ARHGEF11: variants seen among roughly 807,000 people sequenced by gnomAD.
The protein encoded by ARHGEF11 is Rho guanine exchange factor (GEF) 11.
ARHGEF11 carries 55 observed loss-of-function variants against 193.7 expected under a neutral mutation model. The ratio of observed to expected loss-of-function variants is 0.28; its 90% CI spans 0.23 to 0.36. The LOEUF (loss-of-function observed/expected upper bound fraction) is 0.36, where lower values mean the gene tolerates loss of function less well. ARHGEF11 is among the 10% of genes least tolerant of loss of function. The probability of loss-of-function intolerance (pLI) is 1.00; values close to 1 mark genes in which losing one functional copy is unlikely to be tolerated. For missense variants in ARHGEF11, 1,723 were observed against 2,005.6 expected, an observed-to-expected ratio of 0.86 and a Z score of 2.69; for synonymous variants, 693 against 768.0, an observed-to-expected ratio of 0.90 and a Z score of 1.62.
At chr1:156,966,247 G>T (rs2102242194) in intron 11 of ARHGEF11, among the ~76,000 whole-genome samples, 1 of 152,098 alleles carries the variant, frequency 6.6e-6, no homozygotes, top group East Asian at 1.9e-4. Context: ...CCTCCTCCTG[G>T]ACTCAGTGAT....
intron 13 of ARHGEF11, among the ~76,000 whole-genome samples, chr1:156,962,954 A>C (rs1308303607): frequency 6.6e-6 from 1 of 151,650 alleles, no homozygotes; most frequent in African/African-American, 2.4e-5. Context: ...GAACTGATCA[A>C]GAATGAGTTT....
chr1:156,940,637 T>A (rs1656635675), intron 35 of ARHGEF11, among the ~76,000 whole-genome samples: 1 of 152,178 alleles, frequency 6.6e-6, no homozygotes, highest in South Asian at 2.1e-4. Context: ...GCTTACATTC[T>A]AGGGGAGGGA....
intron 21 of ARHGEF11, among the ~76,000 whole-genome samples, chr1:156,952,511 G>A (rs894223373): frequency 6.6e-6 from 1 of 152,210 alleles, no homozygotes; most frequent in African/African-American, 2.4e-5. Context: ...AGAAATGCTG[G>A]CTGCCTGAGA....
In ARHGEF11 at chr1:157,033,632, G is replaced by C. The variant is rs115666778; in HGVS notation, c.32+10667C>G. 4.3e-3 allele frequency among the ~76,000 whole-genome samples: 654 copies of C among 152,102 alleles called. 4 individuals carry two copies. Among genetic ancestry groups the C allele is most frequent in the African/African-American group, 0.015 (606 of 41,482 alleles). On this transcript the variant is annotated intron_variant, in intron 1 of 40. Transcript: ENST00000368194. ...TCCAAAACCTCTAAGAGCATTACAC[G>C]GTCCTCAGGCCTTGGCTCCTACTCA...
intron 1 of ARHGEF11, among the ~76,000 whole-genome samples, chr1:157,038,857 A>G (rs567784082): frequency 2.0e-4 from 30 of 152,220 alleles, no homozygotes; most frequent in South Asian, 1.2e-3. Flanking sequence ...GGTGAACCTC[A>G]TATCTACAAA....
intron 1 of ARHGEF11, among the ~76,000 whole-genome samples, chr1:157,005,578 C>T (rs538352279): frequency 2.6e-5 from 4 of 152,332 alleles, no homozygotes; most frequent in Admixed American, 6.5e-5. Context: ...TTCTGGTACT[C>T]ACCCAATTCT....
At chr1:157,007,279 G>C (rs1350077089) in intron 1 of ARHGEF11, among the ~76,000 whole-genome samples, 1 of 152,182 alleles carries the variant, frequency 6.6e-6, no homozygotes, top group Non-Finnish European at 1.5e-5. Context: ...GCTGGGGATA[G>C]ATGGTTATAT....
intron 4 of ARHGEF11, 147 bp downstream of exon 4, chr1:156,980,290 T>G: frequency 2.3e-6 from 2 of 875,242 alleles, no homozygotes; most frequent in South Asian, 3.1e-5. Flanking sequence ...TATACCACTG[T>G]GCTCCCTCGT....
At chr1:157,030,527 C>A (rs1253737739) in intron 1 of ARHGEF11, among the ~76,000 whole-genome samples, 1 of 152,136 alleles carries the variant, frequency 6.6e-6, no homozygotes, top group Admixed American at 6.5e-5. Context: ...CCTGATTTAC[C>A]TATCTCTTTC....
Position 156,942,011 on chromosome 1 carries a change from G to C in ARHGEF11, c.3327-22C>G, listed in dbSNP as rs551853919. On this transcript the variant is annotated intron_variant, in intron 33 of 40. Transcript: ENST00000368194. ...CCATCTGTTGCTCGGCAGGAACAGA[G>C]AGGACTGTAGTGAGAGCAAGATAGC... 5.9e-5 allele frequency: 96 copies of C among 1,614,024 alleles called. No individual in the cohort carries two copies. The South Asian group carries it at 9.6e-4, about 16-fold the overall frequency.
intron 1 of ARHGEF11, among the ~76,000 whole-genome samples, chr1:157,021,281 C>A (rs1669939823): frequency 6.6e-6 from 1 of 152,142 alleles, no homozygotes; most frequent in South Asian, 2.1e-4. Flanking sequence ...AATCCTAAAG[C>A]CTTTATCAAG....
intron 17 of ARHGEF11, 79 bp downstream of exon 17, chr1:156,958,663 A>C (rs896325689): frequency 1.5e-5 from 24 of 1,578,664 alleles, no homozygotes; most frequent in Non-Finnish European, 2.1e-5. Flanking sequence ...AGAGGGGGAG[A>C]GGTTGAAAGA....
At chr1:156,951,096 G>A (rs1659024393) in intron 22 of ARHGEF11, among the ~76,000 whole-genome samples, 1 of 152,180 alleles carries the variant, frequency 6.6e-6, no homozygotes, top group Non-Finnish European at 1.5e-5. Context: ...GATGCCTATA[G>A]TTACATCATT....
rs549885681 is a variant in ARHGEF11 at position 156,937,393 on chromosome 1, C to A, written c.4296G>T (p.Gly1432=). The change falls in exon 39 of 41, where the codon GGG becomes GGT. Residue 1432 remains glycine (G), a synonymous_variant. Coordinates refer to ENST00000368194, the MANE Select transcript of ARHGEF11 (RefSeq NM_198236.3). ...GCAGCTGAGGCTGAGGCTCTGTCTG[C>A]CCTGCAGGGAGGCTGTCAGGCTGAG... The part of the protein sequence containing the change: ...SPPQPDSLPA[G]QTEPQPQLQG... 1.9e-6 allele frequency: 3 copies of A among 1,601,850 alleles called. No homozygotes were observed. The East Asian group carries it at 6.7e-5, about 36-fold the overall frequency.
chr1:156,939,836 G>C lies in ARHGEF11; in HGVS notation c.3808C>G (p.Pro1270Ala). 1 of 1,612,880 alleles carries C rather than the reference G, an allele frequency of 6.2e-7. No individual in the cohort carries two copies. The highest frequency in any genetic ancestry group is 8.5e-7 in the Non-Finnish European group (1 of 1,179,944). The change falls in exon 37 of 41, where the codon CCC (proline) becomes GCC (alanine). Residue 1270 changes from proline (P) to alanine (A), a missense_variant. Physicochemically the swap from Pro to Ala is conservative, Grantham distance 27 (BLOSUM62 -1). This residue lies in a region of ARHGEF11 where 203 missense variants were observed against 237.3 expected (regional missense o/e 0.86). Transcript: ENST00000368194. ...GGTGTGGGTGTCAGGTCGTCCTCGG[G>C]CTCCTGGGCAGCCTGAGTTTCCATG... ...HTMETQAAQE[P>A]EDDLTPTPSV... is the part of the protein sequence containing the mutation.
In ARHGEF11 at chr1:157,044,860, A is replaced by G. The variant is rs915482503; in HGVS notation, c.-530T>C. The G allele has an allele frequency of 2.2e-5, 4 of 183,084 alleles. No homozygotes were observed. The highest frequency in any genetic ancestry group is 7.9e-5 in the African/African-American group (3 of 38,142). 11.3% of individuals were successfully genotyped at this position (183,084 alleles called of 1,614,324 possible). On this transcript the variant is annotated 5_prime_UTR_variant, in exon 1 of 41. Transcript: ENST00000368194. ...AACAGCAAATATCTTTGAGGAAAGG[A>G]AAAAAAAAAGGATTAATAAATCCGA...
intron 20 of ARHGEF11, among the ~76,000 whole-genome samples, chr1:156,955,382 AG>A (rs1209688800): frequency 2.0e-5 from 3 of 152,160 alleles, no homozygotes; most frequent in Admixed American, 1.3e-4. Flanking sequence ...CCTTGGATGA[AG>A]GTGAAGGGGG....
At chr1:157,020,975 G>T (rs1669901508) in intron 1 of ARHGEF11, among the ~76,000 whole-genome samples, 1 of 152,206 alleles carries the variant, frequency 6.6e-6, no homozygotes, top group Non-Finnish European at 1.5e-5. Flanking sequence ...CTTCCAAGCT[G>T]CCCCAAAGAG....
chr1:157,014,932 G>A (rs1392711929), intron 1 of ARHGEF11, among the ~76,000 whole-genome samples: 2 of 152,120 alleles, frequency 1.3e-5, no homozygotes, highest in African/African-American at 2.4e-5. Flanking sequence ...CTTGTCTTCA[G>A]CCTTCAGTCT....
Sources: allele counts gnomAD v4.1 joint callset (sites outside exome capture counted in the v4.1 genomes callset), GRCh38; gene constraint gnomAD v4.1.1; regional missense constraint gnomAD v4.1.1; transcripts MANE v1.5; gene names NCBI Gene and HGNC (gene_info 2026-07-23, HGNC 2026-07-21).